Variants in CCDC77 observed in about 807,000 individuals in gnomAD.
CCDC77 encodes the protein coiled-coil domain-containing protein 77.
A neutral mutation model predicts 66.8 loss-of-function variants in CCDC77; 56 were observed. That is an observed-to-expected ratio of 0.84 (90% CI 0.68 to 1.05). The LOEUF (loss-of-function observed/expected upper bound fraction) is 1.05. Ranked by LOEUF, CCDC77 falls within the 50% of genes least tolerant of loss-of-function variation. The pLI, the probability that CCDC77 is intolerant of heterozygous loss-of-function variation, is 0.00. For missense variants in CCDC77, 570 were observed against 576.8 expected (o/e 0.99, Z 0.12); for synonymous variants, 196 against 195.2 (o/e 1.00, Z -0.03).
intron 7 of CCDC77, 56 bp downstream of exon 7, chr12:430,792 G>GCCTGCACTGTGATT: frequency 7.0e-7 from 1 of 1,426,488 alleles, no homozygotes; most frequent in Non-Finnish European, 9.9e-7. Flanking sequence ...GAAAATCACA[G>GCCTGCACTGTGATT]TGCAGGCTGG....
In CCDC77 at chr12:416,403, A is replaced by G. The variant is rs867857955; in HGVS notation, c.271-2091A>G. On this transcript the variant is annotated intron_variant, in intron 4 of 12. Transcript: ENST00000239830. ...TATATATATATATATATATATATAT[A>G]TATATATATATATTTCTTTTTTTTT... Among the ~76,000 whole-genome samples the G allele has an allele frequency of 8.8e-4, 45 of 51,116 alleles. 2 individuals are homozygous for G. The highest frequency in any genetic ancestry group is 5.3e-3 in the East Asian group (4 of 758). The allele number at this position is 51,116 out of a possible 152,430, so 33.5% of individuals were successfully genotyped here.
At chr12:425,846 CT>C (rs908509692) in intron 5 of CCDC77, among the ~76,000 whole-genome samples, 1 of 151,916 alleles carries the variant, frequency 6.6e-6, no homozygotes, top group Non-Finnish European at 1.5e-5. Flanking sequence ...GATCCAGATT[CT>C]TTTTTTTGTT....
intron 4 of CCDC77, among the ~76,000 whole-genome samples, chr12:416,335 GT>G (rs1565568907): frequency 0.041 from 1,858 of 44,774 alleles, 194 homozygotes; most frequent in African/African-American, 0.13. Context: ...GAGTCTGTGG[GT>G]GTGTGGGGGT....
intron 12 of CCDC77, 68 bp downstream of exon 12, chr12:441,064 G>A: frequency 6.6e-7 from 1 of 1,524,742 alleles, no homozygotes; most frequent in South Asian, 1.1e-5. Flanking sequence ...GGTCACGAGG[G>A]CCCCTGAAAA....
intron 1 of CCDC77, among the ~76,000 whole-genome samples, chr12:404,796 C>T (rs1944962312): frequency 6.7e-6 from 1 of 150,106 alleles, no homozygotes; most frequent in Non-Finnish European, 1.5e-5. Context: ...GATCTTGGCT[C>T]ACCACAACCT....
At position 440,656 on chromosome 12, in the gene CCDC77, A is replaced by G. The variant is rs1437456280; in HGVS notation, c.1081A>G (p.Asn361Asp). The change falls in exon 11 of 13, where the codon AAT becomes GAT. Residue 361 changes from asparagine to aspartate, a missense_variant. Transcript: ENST00000239830. Reference protein sequence around the residue: ...DKLVQEKKLSNMYQEQCISLE... With the variant: ...DKLVQEKKLSDMYQEQCISLE... ...GTTAGTACAAGAGAAAAAGCTGTCC[A>G]ATATGTACCAAGAGCAGTGCATTTC... 1 of 1,614,110 alleles carries G rather than the reference A, an allele frequency of 6.2e-7. No homozygotes were observed. Among genetic ancestry groups the G allele is most frequent in the Non-Finnish European group, 8.5e-7 (1 of 1,180,044 alleles).
chr12:417,111 C>T lies in CCDC77; in HGVS notation c.271-1383C>T, dbSNP rs374353956. 1.1e-4 allele frequency among the ~76,000 whole-genome samples: 14 copies of T among 132,700 alleles called. 1 individual carries two copies. The highest frequency in any genetic ancestry group is 2.2e-4 in the East Asian group (1 of 4,540). The allele number at this position is 132,700 out of a possible 152,430, so 87.1% of individuals were successfully genotyped here. A position where few individuals can be genotyped will look rare whatever the true frequency, so the allele number is the denominator to read the frequency against. On this transcript the variant is annotated intron_variant, in intron 4 of 12. Transcript: ENST00000239830. The stretch of plus-strand genomic sequence containing the variant: ...TCACACCACTGCATTCCAGCCTGGA[C>T]GACAGAGCAAGGCTCTGTCTCAAAA...
intron 4 of CCDC77, among the ~76,000 whole-genome samples, chr12:417,672 T>G (rs1486498796): frequency 1.3e-5 from 2 of 152,068 alleles, no homozygotes; most frequent in Non-Finnish European, 2.9e-5. Context: ...CCCAGCACTT[T>G]GGGAGGCCAA....
intron 9 of CCDC77, 152 bp downstream of exon 9, chr12:433,474 T>A: frequency 7.0e-7 from 1 of 1,422,962 alleles, no homozygotes; most frequent in Non-Finnish European, 9.2e-7. Context: ...TCTACGTAGG[T>A]GAGTACCTCG....
intron 5 of CCDC77, among the ~76,000 whole-genome samples, chr12:423,129 T>TTA (rs571207815): frequency 3.5e-5 from 4 of 113,976 alleles, no homozygotes; most frequent in African/African-American, 3.3e-5. Context: ...TTTTTTTTTT[T>TTA]TTTTTTTTTG....
intron 5 of CCDC77, among the ~76,000 whole-genome samples, chr12:423,348 C>T (rs1945451255): frequency 6.8e-6 from 1 of 147,796 alleles, no homozygotes; most frequent in Admixed American, 6.8e-5. Context: ...CCATGTTTCC[C>T]AGGCTGGTCT....
intron 3 of CCDC77, among the ~76,000 whole-genome samples, chr12:411,230 A>G (rs568180218): frequency 2.6e-5 from 4 of 151,760 alleles, no homozygotes; most frequent in Non-Finnish European, 5.9e-5. Context: ...CTGGAGTGCA[A>G]TGGCATGATC....
intron 1 of CCDC77, among the ~76,000 whole-genome samples, chr12:402,008 T>C (rs548466795): frequency 2.0e-3 from 304 of 152,344 alleles, no homozygotes; most frequent in African/African-American, 7.1e-3. Context: ...CTCAGTTTCC[T>C]CATTTGTGAA....
chr12:392,501 T>C (rs1591950964), intron 1 of CCDC77, among the ~76,000 whole-genome samples: 1 of 152,292 alleles, frequency 6.6e-6, no homozygotes, highest in East Asian at 1.9e-4. Flanking sequence ...CCCAGCACTT[T>C]GGGAGGCCGA....
intron 4 of CCDC77, among the ~76,000 whole-genome samples, chr12:416,712 G>T (rs1011491266): frequency 6.6e-6 from 1 of 151,536 alleles, no homozygotes; most frequent in African/African-American, 2.4e-5. Context: ...TCTCTAGAAC[G>T]TTTTCATTTT....
chr12:422,606 T>A (rs1945424613), intron 5 of CCDC77, among the ~76,000 whole-genome samples: 1 of 152,246 alleles, frequency 6.6e-6, no homozygotes, highest in Non-Finnish European at 1.5e-5. Flanking sequence ...TTTTCTTCCT[T>A]TTTAAGACTG....
At chr12:422,431 C>T (rs1024757152) in intron 5 of CCDC77, among the ~76,000 whole-genome samples, 2 of 152,254 alleles carry the variant, frequency 1.3e-5, no homozygotes, top group African/African-American at 2.4e-5. Context: ...GTAACTCCCA[C>T]ATCCCCGTTA....
At chr12:430,765 C>T (rs1038482461) in intron 7 of CCDC77, 29 bp downstream of exon 7, 1 of 1,545,928 alleles carries the variant, frequency 6.5e-7, no homozygotes, top group Non-Finnish European at 8.9e-7. Flanking sequence ...ATTAGAAATT[C>T]TCATCAATGC....
At chr12:389,559 C>T (rs1383759700) in intron 1 of CCDC77, 1 of 274,790 alleles carries the variant, frequency 3.6e-6, no homozygotes, top group South Asian at 4.6e-5. Flanking sequence ...CGGGGCGAGG[C>T]GGGGCGAGGC....
Sources: allele counts gnomAD v4.1 joint callset (sites outside exome capture counted in the v4.1 genomes callset), GRCh38; gene constraint gnomAD v4.1.1; transcripts MANE v1.5; gene names NCBI Gene and HGNC (gene_info 2026-07-23, HGNC 2026-07-21).